Variants in SCAF11 observed in about 807,000 individuals in gnomAD.
SCAF11 encodes protein SCAF11.
In SCAF11, 47 loss-of-function variants were observed where a neutral mutation model predicts 140.5. The ratio of observed to expected loss-of-function variants is 0.33; its 90% CI spans 0.26 to 0.43. The LOEUF is 0.43. Among genes scored for constraint, SCAF11 ranks in the 20% least tolerant of loss-of-function variants. The pLI is 1.00. For synonymous variants in SCAF11, 557 were observed against 579.4 expected (o/e 0.96, Z 0.55); for missense variants, 1,645 against 1,705.1 (o/e 0.96, Z 0.62).
At chr12:45,943,915 T>C (rs1165142066) in intron 6 of SCAF11, among the ~76,000 whole-genome samples, 1 of 152,150 alleles carries the variant, frequency 6.6e-6, no homozygotes, top group East Asian at 1.9e-4. Flanking sequence ...TTCTAAACAG[T>C]AAAACAAAAT....
intron 1 of SCAF11, among the ~76,000 whole-genome samples, chr12:45,979,163 T>C (rs1946298502): frequency 7.3e-6 from 1 of 137,512 alleles, no homozygotes. Context: ...GTTAGTTCTC[T>C]CCAGCCCTTA....
chr12:45,973,160 C>T (rs368420758), intron 1 of SCAF11, among the ~76,000 whole-genome samples: 13 of 148,142 alleles, frequency 8.8e-5, no homozygotes, highest in African/African-American at 3.0e-4. Context: ...AAAGTGAAAA[C>T]GGAAATAAAA....
intron 2 of SCAF11, among the ~76,000 whole-genome samples, chr12:45,962,392 ATT>A (rs1448018251): frequency 6.6e-6 from 1 of 152,162 alleles, no homozygotes. Flanking sequence ...GTTATTTCAC[ATT>A]TTTAAAAGTA....
chr12:45,941,457 C>T (rs896738484), intron 6 of SCAF11, among the ~76,000 whole-genome samples: 5 of 152,130 alleles, frequency 3.3e-5, no homozygotes, highest in Non-Finnish European at 7.4e-5. Flanking sequence ...GTACAATACA[C>T]CATTATTAAT....
In SCAF11 at chr12:45,922,184, C is replaced by T. The variant is rs766100394; in HGVS notation, c.4256G>A (p.Ser1419Asn). 1 of 1,606,062 alleles carries T rather than the reference C, an allele frequency of 6.2e-7. No homozygotes were observed. Among genetic ancestry groups the T allele is most frequent in the Non-Finnish European group, 8.5e-7 (1 of 1,178,118 alleles). The change falls in exon 15 of 15, where the codon AGT becomes AAT. Residue 1419 changes from serine to asparagine, a missense_variant. Coordinates refer to ENST00000369367, the MANE Select transcript of SCAF11 (RefSeq NM_004719.3). ...AGTAGAATTTACTTCTCCACTCTTACTATGACAAACCTAAGAAAAAAGGGG... is the reference window on the plus strand; with the variant it reads ...AGTAGAATTTACTTCTCCACTCTTATTATGACAAACCTAAGAAAAAAGGGG... Reference protein sequence around the residue: ...VRKAVDKVCHSKSGEVNSTKV... With the variant: ...VRKAVDKVCHNKSGEVNSTKV...
At chr12:45,959,240 C>A (rs1280741388) in intron 3 of SCAF11, among the ~76,000 whole-genome samples, 1 of 151,398 alleles carries the variant, frequency 6.6e-6, no homozygotes, top group East Asian at 1.9e-4. Context: ...TGCACTAGAG[C>A]CTGGGTGACA....
At position 45,990,572 on chromosome 12, in the gene SCAF11, C is replaced by T; in HGVS notation, c.-241G>A. 2 of 1,230,824 alleles carry T rather than the reference C, an allele frequency of 1.6e-6. No homozygotes were observed. The highest frequency in any genetic ancestry group is 2.0e-6 in the Non-Finnish European group (2 of 987,476). The allele number at this position is 1,230,824 out of a possible 1,614,324, so 76.2% of individuals were successfully genotyped here. A position where few individuals can be genotyped will look rare whatever the true frequency, so the allele number is the denominator to read the frequency against. On this transcript the variant is annotated 5_prime_UTR_variant, in exon 1 of 15. Coordinates refer to ENST00000369367, the MANE Select transcript of SCAF11 (RefSeq NM_004719.3). ...CTCCGCGCGGCTTAAGCCACCGCTA[C>T]TCCCCCTTCCCCCGCCTTGTCTAGC...
chr12:45,944,604 T>C (rs1945376888), intron 6 of SCAF11, among the ~76,000 whole-genome samples: 1 of 152,206 alleles, frequency 6.6e-6, no homozygotes, highest in South Asian at 2.1e-4. Flanking sequence ...CATAGTAAGA[T>C]GTTCTTTGGG....
intron 6 of SCAF11, among the ~76,000 whole-genome samples, chr12:45,939,633 G>C (rs1312910655): frequency 6.6e-6 from 1 of 152,212 alleles, no homozygotes; most frequent in African/African-American, 2.4e-5. Context: ...AGGAGGCGGA[G>C]GTTGCAGTGA....
At chr12:45,932,992 T>G in intron 9 of SCAF11, 139 bp downstream of exon 9, 1 of 579,468 alleles carries the variant, frequency 1.7e-6, no homozygotes, top group Non-Finnish European at 3.0e-6. Flanking sequence ...TATTGGGCAT[T>G]TGAAACACCA....
intron 1 of SCAF11, among the ~76,000 whole-genome samples, chr12:45,973,516 T>A (rs569942013): frequency 6.6e-6 from 1 of 152,208 alleles, no homozygotes; most frequent in African/African-American, 2.4e-5. Context: ...ATAATCCCAA[T>A]GAAATCCATG....
Position 45,983,435 on chromosome 12 carries a change from G to A in SCAF11, c.-22+6918C>T, listed in dbSNP as rs567123000. Among the ~76,000 whole-genome samples the A allele has an allele frequency of 5.9e-5, 9 of 152,120 alleles. No homozygotes were observed. In the South Asian group the frequency reaches 1.9e-3, roughly 32 times the overall value. On this transcript the variant is annotated intron_variant, in intron 1 of 14. Transcript: ENST00000369367. ...TACTACGTAATGAACTACACATTCT[G>A]GCATGCCTTTCCACATTTAATCCTC...
upstream of SCAF11, chr12:45,991,993 G>T (rs781017518): frequency 7.8e-7 from 1 of 1,289,194 alleles, no homozygotes; most frequent in African/African-American, 1.5e-5. Flanking sequence ...TGCCCGGGAT[G>T]AGTTTCCTCC....
intron 12 of SCAF11, 38 bp downstream of exon 12, chr12:45,924,690 T>C (rs1007196750): frequency 2.7e-6 from 4 of 1,493,388 alleles, no homozygotes; most frequent in African/African-American, 2.8e-5. Context: ...ATGTTTACAA[T>C]GGCTATATTG....
rs536744520 is a variant in SCAF11 at position 45,966,491 on chromosome 12, G to A, written c.-21-2303C>T. Among the ~76,000 whole-genome samples the A allele has an allele frequency of 3.3e-5, 5 of 151,718 alleles. No homozygotes were observed. The South Asian group carries it at 6.2e-4, about 19-fold the overall frequency. On this transcript the variant is annotated intron_variant, in intron 1 of 14. Transcript: ENST00000369367. ...AAGTAAAATATCTAGTATGTTAGACGTTGAGAAGTGCTATGGAGAAAAATT... is the reference window on the plus strand; with the variant it reads ...AAGTAAAATATCTAGTATGTTAGACATTGAGAAGTGCTATGGAGAAAAATT...
At chr12:45,935,323 G>A (rs1945144919) in intron 6 of SCAF11, among the ~76,000 whole-genome samples, 1 of 152,194 alleles carries the variant, frequency 6.6e-6, no homozygotes, top group Admixed American at 6.5e-5. Context: ...TACAACAGCT[G>A]TTTGGTTTTG....
At chr12:45,989,123 T>C (rs543716662) in intron 1 of SCAF11, among the ~76,000 whole-genome samples, 13 of 152,306 alleles carry the variant, frequency 8.5e-5, no homozygotes, top group African/African-American at 3.1e-4. Context: ...CTTGATTACA[T>C]GTCAAAATTT....
rs1946446616 is a variant in SCAF11, at chr12:45,985,724, T to A, written c.-22+4629A>T. Among the ~76,000 whole-genome samples the A allele has an allele frequency of 2.0e-5, 3 of 152,240 alleles. No homozygotes were observed. The South Asian group carries it at 6.2e-4, about 32-fold the overall frequency. On this transcript the variant is annotated intron_variant, in intron 1 of 14. Coordinates refer to ENST00000369367, the MANE Select transcript of SCAF11 (RefSeq NM_004719.3). ...TATCTGATAAACATTAGCTATCTTC[T>A]GTAATATGGGTGATAATTTCTTAAA...
chr12:45,967,677 A>C (rs573109678), intron 1 of SCAF11, among the ~76,000 whole-genome samples: 1 of 152,318 alleles, frequency 6.6e-6, no homozygotes, highest in African/African-American at 2.4e-5. Context: ...AAACTGTTTA[A>C]GCATTCCAAA....
Sources: allele counts gnomAD v4.1 joint callset (sites outside exome capture counted in the v4.1 genomes callset), GRCh38; gene constraint gnomAD v4.1.1; transcripts MANE v1.5; gene names NCBI Gene and HGNC (gene_info 2026-07-23, HGNC 2026-07-21).